The following BIK variants were observed in gnomAD, a reference collection of about 807,000 sequenced individuals.
BIK encodes the protein bcl-2-interacting killer.
In BIK, 14 loss-of-function variants were observed where a neutral mutation model predicts 12.1. The observed-to-expected ratio is 1.16, with a 90% CI of 0.77 to 1.81. BIK has a LOEUF of 1.81. Among genes scored for constraint, BIK ranks in the 40% most tolerant of loss-of-function variants. BIK has a pLI of 0.00. For missense variants in BIK, 215 were observed against 207.9 expected (o/e 1.03, Z -0.21); for synonymous variants, 86 against 92.3 (o/e 0.93, Z 0.39).
chr22:43,125,930 C>T (rs1930305219), intron 2 of BIK, among the ~76,000 whole-genome samples: 1 of 152,110 alleles, frequency 6.6e-6, no homozygotes, highest in Admixed American at 6.6e-5. Context: ...GGACCTGACC[C>T]TTGCACTCTG....
chr22:43,124,221 G>A, intron 2 of BIK, 38 bp downstream of exon 2: 3 of 1,607,858 alleles, frequency 1.9e-6, no homozygotes, highest in Non-Finnish European at 2.6e-6. Context: ...CTGCCTGATA[G>A]TGACTTCAGG....
intron 2 of BIK, among the ~76,000 whole-genome samples, chr22:43,125,434 C>A (rs534326392): frequency 6.6e-6 from 1 of 151,920 alleles, no homozygotes; most frequent in African/African-American, 2.4e-5. Context: ...GGCCGGGCGC[C>A]GTGGCTCATG....
intron 1 of BIK, among the ~76,000 whole-genome samples, chr22:43,114,488 A>G (rs1930071860): frequency 6.6e-6 from 1 of 152,084 alleles, no homozygotes; most frequent in Non-Finnish European, 1.5e-5. Context: ...TTTTTAATAG[A>G]GATGGGGTTT....
intron 3 of BIK, 32 bp downstream of exon 3, chr22:43,127,827 TG>T: frequency 6.5e-7 from 1 of 1,526,798 alleles, no homozygotes; most frequent in Non-Finnish European, 8.9e-7. Flanking sequence ...CCTCTACACC[TG>T]GGGAGGGGCC....
chr22:43,121,829 G>A (rs916675285), intron 1 of BIK, among the ~76,000 whole-genome samples: 1 of 152,030 alleles, frequency 6.6e-6, no homozygotes, highest in African/African-American at 2.4e-5. Flanking sequence ...TTTTCTTTTT[G>A]AGTCAGAATC....
At chr22:43,124,426 A>G (rs996123306) in intron 2 of BIK, among the ~76,000 whole-genome samples, 2 of 152,200 alleles carry the variant, frequency 1.3e-5, no homozygotes, top group African/African-American at 4.8e-5. Context: ...CACAGTCTCA[A>G]GATGGACCTG....
intron 2 of BIK, among the ~76,000 whole-genome samples, chr22:43,125,699 G>A (rs1930300560): frequency 1.3e-5 from 2 of 152,080 alleles, no homozygotes; most frequent in Admixed American, 6.5e-5. Flanking sequence ...TCCAGCCTGG[G>A]TAACAGAGTA....
At chr22:43,120,076 G>A (rs1315552885) in intron 1 of BIK, among the ~76,000 whole-genome samples, 1 of 152,244 alleles carries the variant, frequency 6.6e-6, no homozygotes, top group Admixed American at 6.5e-5. Context: ...GACTTTGGAG[G>A]CATGGCAGGA....
At chr22:43,127,325 C>G (rs1182356285) in intron 2 of BIK, among the ~76,000 whole-genome samples, 1 of 152,096 alleles carries the variant, frequency 6.6e-6, no homozygotes, top group Admixed American at 6.5e-5. Context: ...CCGGGGGACT[C>G]AGCACCACCA....
chr22:43,123,875 TG>T, intron 1 of BIK, 140 bp from the exon 2 acceptor site: 1 of 814,926 alleles, frequency 1.2e-6, no homozygotes. Context: ...CTGTGGGAGC[TG>T]GGGTTGGGGG....
chr22:43,128,403 C>T (rs1413889583), intron 3 of BIK, 93 bp from the exon 4 acceptor site: 11 of 1,496,174 alleles, frequency 7.4e-6, no homozygotes, highest in African/African-American at 4.1e-5. Context: ...CAGGCCCCTG[C>T]TCCCCACAGC....
At chr22:43,128,158 G>T (rs548598728) in intron 3 of BIK, among the ~76,000 whole-genome samples, 5 of 152,026 alleles carry the variant, frequency 3.3e-5, no homozygotes, top group Admixed American at 3.3e-4. Flanking sequence ...GCGAGTCTCC[G>T]GTGGGGGAAT....
intron 1 of BIK, among the ~76,000 whole-genome samples, chr22:43,112,379 A>T (rs893375487): frequency 9.9e-5 from 15 of 151,620 alleles, no homozygotes; most frequent in African/African-American, 3.6e-4. Flanking sequence ...TTGTATTTTT[A>T]GTAGAGATGG....
At chr22:43,124,678 G>A (rs1930281051) in intron 2 of BIK, among the ~76,000 whole-genome samples, 1 of 152,134 alleles carries the variant, frequency 6.6e-6, no homozygotes, top group African/African-American at 2.4e-5. Context: ...GATCACTTGA[G>A]GTCAGGAGCT....
At chr22:43,124,623 G>A (rs1054670867) in intron 2 of BIK, among the ~76,000 whole-genome samples, 1 of 152,220 alleles carries the variant, frequency 6.6e-6, no homozygotes, top group African/African-American at 2.4e-5. Context: ...CACACGCAGT[G>A]GCTCGCGCCT....
At chr22:43,127,870 A>T (rs1930350540) in intron 3 of BIK, 75 bp downstream of exon 3, 1 of 1,383,514 alleles carries the variant, frequency 7.2e-7, no homozygotes, top group East Asian at 2.5e-5. Context: ...TGAACACAGC[A>T]CAGGGCTGGG....
chr22:43,111,391 C>T (rs936455270), intron 1 of BIK, among the ~76,000 whole-genome samples: 1 of 152,228 alleles, frequency 6.6e-6, no homozygotes, highest in Non-Finnish European at 1.5e-5. Flanking sequence ...CGCAGCCGCC[C>T]GCCCTCGCTT....
At chr22:43,113,986 G>C (rs1259702392) in intron 1 of BIK, among the ~76,000 whole-genome samples, 1 of 152,192 alleles carries the variant, frequency 6.6e-6, no homozygotes, top group Non-Finnish European at 1.5e-5. Context: ...TGGTTGGTTG[G>C]GGCTGGGCCC....
chr22:43,119,516 C>T (rs4988390), intron 1 of BIK, among the ~76,000 whole-genome samples: 1,741 of 152,202 alleles, frequency 0.011, 42 homozygotes, highest in African/African-American at 0.04. Flanking sequence ...CACAACAGTC[C>T]TGTGCAATAG....
Sources: allele counts gnomAD v4.1 joint callset (sites outside exome capture counted in the v4.1 genomes callset), GRCh38; gene constraint gnomAD v4.1.1; transcripts MANE v1.5; gene names NCBI Gene and HGNC (gene_info 2026-07-23, HGNC 2026-07-21).